Variants in DGKB observed in about 807,000 individuals in gnomAD.
The protein encoded by DGKB is 90 kDa diacylglycerol kinase.
Under a neutral mutation model 114.3 loss-of-function variants are expected in DGKB, and 67 were observed. That is an observed-to-expected ratio of 0.59 (90% CI 0.48 to 0.72). The LOEUF (loss-of-function observed/expected upper bound fraction) is 0.72. Among genes scored for constraint, DGKB ranks in the 30% least tolerant of loss-of-function variants. DGKB has a pLI of 0.00. For synonymous variants in DGKB, 398 were observed against 323.1 expected (o/e 1.23, Z -2.49); for missense variants, 907 against 975.2 (o/e 0.93, Z 0.93).
intron 1 of DGKB, among the ~76,000 whole-genome samples, chr7:14,930,255 A>T (rs1167757372): frequency 2.6e-5 from 4 of 152,118 alleles, no homozygotes; most frequent in Admixed American, 2.6e-4. Context: ...ATTCTATGAA[A>T]AATGAAATTT....
At chr7:14,592,247 G>T (rs563573417) in intron 17 of DGKB, among the ~76,000 whole-genome samples, 20 of 151,940 alleles carry the variant, frequency 1.3e-4, no homozygotes, top group Admixed American at 1.2e-3. Flanking sequence ...TTGTATTAAA[G>T]AAACACAAGG....
intron 1 of DGKB, among the ~76,000 whole-genome samples, chr7:14,875,708 G>T (rs1011706264): frequency 6.6e-5 from 10 of 152,102 alleles, no homozygotes; most frequent in African/African-American, 2.2e-4. Context: ...AACAGATTAG[G>T]ATAAAACAAG....
rs938189993 is a variant in DGKB, at chr7:14,860,556, A to G, written c.-187-19106T>C. Among the ~76,000 whole-genome samples, 6 of 152,100 alleles carry G rather than the reference A, an allele frequency of 3.9e-5. No homozygotes were observed. The South Asian group carries it at 1.2e-3, about 32-fold the overall frequency. Reference sequence around the variant, plus strand: ...GTAATTTCCCAAAGATATATGCTCCATTCTGTTTTTGTCACCTCTTATAAA... The same window carrying G: ...GTAATTTCCCAAAGATATATGCTCCGTTCTGTTTTTGTCACCTCTTATAAA... On this transcript the variant is annotated intron_variant, in intron 1 of 25. Transcript: ENST00000402815.
chr7:14,569,672 T>C (rs962994123), intron 20 of DGKB, among the ~76,000 whole-genome samples: 8 of 152,118 alleles, frequency 5.3e-5, no homozygotes, highest in Non-Finnish European at 8.8e-5. Context: ...ATGTATAATT[T>C]AGTAAAACAA....
chr7:14,359,195 C>A (rs1815206927), intron 21 of DGKB, among the ~76,000 whole-genome samples: 1 of 152,040 alleles, frequency 6.6e-6, no homozygotes, highest in Non-Finnish European at 1.5e-5. Context: ...TTTGACAAAC[C>A]TGACAAAAAC....
At chr7:14,781,714 T>C (rs901667084) in intron 2 of DGKB, among the ~76,000 whole-genome samples, 1 of 152,150 alleles carries the variant, frequency 6.6e-6, no homozygotes, top group Non-Finnish European at 1.5e-5. Flanking sequence ...ATGTAGTTAT[T>C]TTTACGCACC....
intron 13 of DGKB, among the ~76,000 whole-genome samples, chr7:14,667,376 C>T (rs1017601454): frequency 6.6e-6 from 1 of 151,880 alleles, no homozygotes. Context: ...CATTCAATAA[C>T]CAATTCCTAA....
chr7:14,158,912 C>A, intron 25 of DGKB, among the ~76,000 whole-genome samples: 1 of 152,090 alleles, frequency 6.6e-6, no homozygotes, highest in Non-Finnish European at 1.5e-5. Flanking sequence ...TCATTTTCAT[C>A]CCCCAAATAT....
chr7:14,582,091 G>C (rs1800014488), intron 18 of DGKB, among the ~76,000 whole-genome samples: 1 of 152,054 alleles, frequency 6.6e-6, no homozygotes, highest in Admixed American at 6.6e-5. Context: ...TGACTAAATA[G>C]GTGTCTGTTT....
At chr7:14,553,042 T>G (rs925465018) in intron 20 of DGKB, among the ~76,000 whole-genome samples, 1 of 152,154 alleles carries the variant, frequency 6.6e-6, no homozygotes, top group Non-Finnish European at 1.5e-5. Context: ...AAAGATAAAG[T>G]CAAATGTTAA....
At chr7:14,784,195 C>A (rs1230970865) in intron 2 of DGKB, among the ~76,000 whole-genome samples, 1 of 151,702 alleles carries the variant, frequency 6.6e-6, no homozygotes, top group Non-Finnish European at 1.5e-5. Flanking sequence ...TCAGCTGAAG[C>A]TCTTTTTTGT....
At chr7:14,966,081 T>C (rs1787130027) in intron 1 of DGKB, among the ~76,000 whole-genome samples, 1 of 152,100 alleles carries the variant, frequency 6.6e-6, no homozygotes, top group African/African-American at 2.4e-5. Context: ...AAATCTTCTG[T>C]TTAATGGTTG....
rs567043588 is a variant in DGKB at position 14,700,463 on chromosome 7, G to A, written c.516+1218C>T. Among the ~76,000 whole-genome samples the A allele has an allele frequency of 1.4e-4, 22 of 152,166 alleles. 1 individual carries two copies. The South Asian group carries it at 2.7e-3, about 19-fold the overall frequency. On this transcript the variant is annotated intron_variant, in intron 7 of 25. Coordinates refer to ENST00000402815, the MANE Select transcript of DGKB (RefSeq NM_001350709.2). Reference sequence around the variant, plus strand: ...CCTGACTTCAGGTGATCGCCTGCCCGTCTTGGCATCCCAAAATGCTGGGAT... The same window carrying A: ...CCTGACTTCAGGTGATCGCCTGCCCATCTTGGCATCCCAAAATGCTGGGAT...
chr7:14,210,375 T>C (rs1475714760), intron 23 of DGKB, among the ~76,000 whole-genome samples: 1 of 152,136 alleles, frequency 6.6e-6, no homozygotes. Context: ...AATTAGAAGA[T>C]AGCACTCCAG....
intron 2 of DGKB, among the ~76,000 whole-genome samples, chr7:14,806,177 T>G (rs187450747): frequency 6.6e-6 from 1 of 152,112 alleles, no homozygotes; most frequent in Non-Finnish European, 1.5e-5. Context: ...CTAGCTTAAT[T>G]TGCAGTCTTC....
At chr7:14,314,229 C>A (rs1432028441) in intron 23 of DGKB, among the ~76,000 whole-genome samples, 1 of 152,144 alleles carries the variant, frequency 6.6e-6, no homozygotes, top group Non-Finnish European at 1.5e-5. Flanking sequence ...GAGCGCCTCT[C>A]CTCCTCCAAA....
intron 2 of DGKB, among the ~76,000 whole-genome samples, chr7:14,814,883 T>C (rs1343057551): frequency 6.6e-6 from 1 of 152,208 alleles, no homozygotes; most frequent in Non-Finnish European, 1.5e-5. Context: ...AAAAGTTTTA[T>C]TCTAATACAT....
intron 13 of DGKB, among the ~76,000 whole-genome samples, chr7:14,671,278 G>A (rs1818918236): frequency 6.6e-6 from 1 of 152,006 alleles, no homozygotes; most frequent in Admixed American, 6.6e-5. Flanking sequence ...AACAGAGAAA[G>A]GACCAGGAGT....
intron 21 of DGKB, among the ~76,000 whole-genome samples, chr7:14,418,361 A>ATG (rs1170054869): frequency 0.028 from 2,798 of 100,412 alleles, 108 homozygotes; most frequent in African/African-American, 0.1. Flanking sequence ...TCACATATAT[A>ATG]TGTGTGTGTG....
Sources: gnomAD v4.1 joint callset for allele counts (sites outside exome capture counted in the v4.1 genomes callset) on GRCh38, gnomAD v4.1.1 for gene constraint, MANE v1.5 for transcripts, NCBI Gene and HGNC (gene_info 2026-07-23, HGNC 2026-07-21) for gene names.